Variants in GRM7 observed in about 807,000 individuals in gnomAD.
GRM7 encodes the protein glutamate metabotropic receptor 7, also known as metabotropic glutamate receptor 7.
A neutral mutation model predicts 84.5 loss-of-function variants in GRM7; 35 were observed. The ratio of observed to expected loss-of-function variants is 0.41; its 90% CI spans 0.32 to 0.55. The LOEUF is 0.55. Among genes scored for constraint, GRM7 ranks in the 20% least tolerant of loss-of-function variants. The pLI, the probability that GRM7 is intolerant of heterozygous loss-of-function variation, is 0.19. For missense variants in GRM7, 1,003 were observed against 1,194.6 expected (o/e 0.84, Z 2.36); for synonymous variants, 487 against 455.1 (o/e 1.07, Z -0.89).
intron 8 of GRM7, among the ~76,000 whole-genome samples, chr3:7,656,520 A>T (rs560813583): frequency 0.015 from 1,364 of 89,484 alleles, 21 homozygotes; most frequent in East Asian, 0.1. Context: ...CAAATAAAAA[A>T]AAATATATAT....
rs1385259133 is a variant in GRM7, at chr3:7,276,785, T to TCCTCCCTCCCTCCCTCCCTCCTC, written c.737-21896_737-21895insCCCTCCCTCCCTCCCTCCTCCCT. Among the ~76,000 whole-genome samples, 4 of 62,768 alleles carry TCCTCCCTCCCTCCCTCCCTCCTC rather than the reference T, an allele frequency of 6.4e-5. 2 individuals carry two copies. The highest frequency in any genetic ancestry group is 1.1e-4 in the Non-Finnish European group (4 of 36,800). The allele number at this position is 62,768 out of a possible 152,430, so 41.2% of individuals were successfully genotyped here. A position where few individuals can be genotyped will look rare whatever the true frequency, so the allele number is the denominator to read the frequency against. On this transcript the variant is annotated intron_variant, in intron 2 of 9. Coordinates refer to ENST00000357716, the MANE Select transcript of GRM7 (RefSeq NM_000844.4). ...TTTCTCCCTTCCTTCCTTCCTTCCT[T>TCCTCCCTCCCTCCCTCCCTCCTC]CCTTCCTTCCTTCCTTCCTTTTTGG...
At chr3:7,715,362 A>G (rs1031526277) in intron 9 of GRM7, among the ~76,000 whole-genome samples, 3 of 152,174 alleles carry the variant, frequency 2.0e-5, no homozygotes, top group South Asian at 2.1e-4. Flanking sequence ...AGTCCCAACT[A>G]CTTAGGAGGC....
At chr3:7,561,494 A>T (rs1384224688) in intron 7 of GRM7, 5 of 456,440 alleles carry the variant, frequency 1.1e-5, no homozygotes, top group South Asian at 7.7e-5. Context: ...TGTTAGAAGG[A>T]TGGGATAGAG....
chr3:7,581,359 C>T (rs1001889690), intron 8 of GRM7, among the ~76,000 whole-genome samples: 2 of 152,038 alleles, frequency 1.3e-5, no homozygotes, highest in Non-Finnish European at 2.9e-5. Flanking sequence ...TTAGAAGGCA[C>T]GTAATTTTCT....
intron 2 of GRM7, among the ~76,000 whole-genome samples, chr3:7,201,884 C>G (rs537038184): frequency 6.6e-6 from 1 of 152,134 alleles, no homozygotes; most frequent in Non-Finnish European, 1.5e-5. Context: ...GGAGTGCCCT[C>G]TTTATATAAT....
At chr3:7,526,921 T>G (rs144251163) in intron 7 of GRM7, among the ~76,000 whole-genome samples, 222 of 152,216 alleles carry the variant, frequency 1.5e-3, no homozygotes, top group African/African-American at 5.1e-3. Context: ...GTTGTTTTGG[T>G]TACTGTAGCC....
intron 8 of GRM7, among the ~76,000 whole-genome samples, chr3:7,600,935 C>A (rs1170631695): frequency 6.6e-6 from 1 of 152,080 alleles, no homozygotes; most frequent in Admixed American, 6.6e-5. Flanking sequence ...CAATGTCTAC[C>A]AGTGCAACTT....
intron 7 of GRM7, among the ~76,000 whole-genome samples, chr3:7,475,593 G>T (rs559651215): frequency 3.3e-5 from 5 of 152,092 alleles, no homozygotes; most frequent in Non-Finnish European, 5.9e-5. Context: ...TCACTTTCTC[G>T]TCACTGTTAT....
At chr3:6,899,486 A>G (rs1696310610) in intron 1 of GRM7, among the ~76,000 whole-genome samples, 1 of 152,206 alleles carries the variant, frequency 6.6e-6, no homozygotes, top group African/African-American at 2.4e-5. Context: ...GTCTTTTGAA[A>G]GTGCTAAGTT....
chr3:7,388,667 G>T (rs1694877259), intron 4 of GRM7, among the ~76,000 whole-genome samples: 2 of 152,020 alleles, frequency 1.3e-5, no homozygotes, highest in Admixed American at 6.6e-5. Context: ...TCAATTTTAA[G>T]AGGTTGTGTG....
At chr3:6,930,002 A>G (rs552650693) in intron 1 of GRM7, among the ~76,000 whole-genome samples, 1 of 152,180 alleles carries the variant, frequency 6.6e-6, no homozygotes, top group Non-Finnish European at 1.5e-5. Context: ...CCCAACCCAT[A>G]TGTGGCTGTG....
At chr3:7,029,105 A>G (rs1696089165) in intron 1 of GRM7, among the ~76,000 whole-genome samples, 2 of 152,110 alleles carry the variant, frequency 1.3e-5, no homozygotes, top group Admixed American at 6.5e-5. Flanking sequence ...GGAGTTCAAG[A>G]CCAGCCTGGC....
intron 1 of GRM7, among the ~76,000 whole-genome samples, chr3:6,913,456 T>C (rs984450438): frequency 6.6e-6 from 1 of 152,184 alleles, no homozygotes; most frequent in Non-Finnish European, 1.5e-5. Context: ...AGGATGTGAA[T>C]AATGAACACT....
At chr3:7,459,981 T>TCAAGAGTG (rs1698172956) in intron 6 of GRM7, among the ~76,000 whole-genome samples, 1 of 150,900 alleles carries the variant, frequency 6.6e-6, no homozygotes, top group African/African-American at 2.4e-5. Context: ...AATACATAGA[T>TCAAGAGTG]CAAGAGTGAC....
chr3:7,176,754 T>A (rs1398308330), intron 2 of GRM7, among the ~76,000 whole-genome samples: 1 of 152,176 alleles, frequency 6.6e-6, no homozygotes. Context: ...TTGGTTACAT[T>A]CCATTCTTCC....
chr3:7,573,633 C>T (rs1364022438), intron 7 of GRM7, among the ~76,000 whole-genome samples: 1 of 152,160 alleles, frequency 6.6e-6, no homozygotes, highest in Non-Finnish European at 1.5e-5. Context: ...TGTCTCTCTA[C>T]TAGAGCCAGA....
chr3:7,017,686 A>G (rs1695618164), intron 1 of GRM7, among the ~76,000 whole-genome samples: 1 of 152,188 alleles, frequency 6.6e-6, no homozygotes, highest in South Asian at 2.1e-4. Flanking sequence ...CTAACCCCCT[A>G]GAAATCCTGA....
At chr3:7,248,607 GA>G (rs550182261) in intron 2 of GRM7, among the ~76,000 whole-genome samples, 1 of 151,458 alleles carries the variant, frequency 6.6e-6, no homozygotes, top group African/African-American at 2.4e-5. Flanking sequence ...TATTTTATTT[GA>G]AAAAAAAGAT....
rs139560281 is a variant in GRM7 at position 7,333,213 on chromosome 3, G to A, written c.1033+26561G>A. Among the ~76,000 whole-genome samples the A allele has an allele frequency of 9.7e-3, 1,482 of 152,220 alleles. 14 individuals are homozygous for A. Among genetic ancestry groups the A allele is most frequent in the Admixed American group, 0.027 (416 of 15,284 alleles). ...ACATTTGAGAAAACCAGTGCACTAA[G>A]CAAAACTACACCCAAAGACTCCCAC... On this transcript the variant is annotated intron_variant, in intron 4 of 9. Transcript: ENST00000357716.
Sources: allele counts gnomAD v4.1 joint callset (sites outside exome capture counted in the v4.1 genomes callset), GRCh38; gene constraint gnomAD v4.1.1; transcripts MANE v1.5; gene names NCBI Gene and HGNC (gene_info 2026-07-23, HGNC 2026-07-21).